RBM26: variants seen among roughly 807,000 people sequenced by gnomAD.
The protein encoded by RBM26 is RNA binding motif protein 26, also known as RNA-binding protein 26.
RBM26 carries 30 observed loss-of-function variants against 123.6 expected under a neutral mutation model. That is an observed-to-expected ratio of 0.24 (90% CI 0.18 to 0.33). RBM26 has a LOEUF of 0.33. RBM26 is among the 10% of genes least tolerant of loss of function. The pLI is 1.00. For missense variants in RBM26, 947 were observed against 1,203.6 expected (o/e 0.79, Z 3.15); for synonymous variants, 400 against 404.4 (o/e 0.99, Z 0.13).
chr13:79,405,908 C>A lies in RBM26; in HGVS notation c.-134G>T. Reference sequence around the variant, plus strand: ...GTGGGAGGCGCCGGTGGCAGGTTCCCGCGGGCCCCGGTCGGCGAACAGCTC... The same window carrying A: ...GTGGGAGGCGCCGGTGGCAGGTTCCAGCGGGCCCCGGTCGGCGAACAGCTC... On this transcript the variant is annotated 5_prime_UTR_variant, in exon 1 of 22. Transcript: ENST00000438737. The A allele has an allele frequency of 2.5e-6, 1 of 394,782 alleles. No homozygotes were observed. 24.5% of individuals were successfully genotyped at this position (394,782 alleles called of 1,614,324 possible).
intron 3 of RBM26, among the ~76,000 whole-genome samples, chr13:79,372,519 A>G (rs2076003733): frequency 6.6e-6 from 1 of 151,280 alleles, no homozygotes; most frequent in Non-Finnish European, 1.5e-5. Flanking sequence ...TTAAGCAAGT[A>G]TGCTCATTTA....
chr13:79,396,840 A>G (rs1005071617), intron 1 of RBM26, among the ~76,000 whole-genome samples: 1 of 152,362 alleles, frequency 6.6e-6, no homozygotes, highest in Admixed American at 6.5e-5. Flanking sequence ...GTAATACACC[A>G]TATTAACAAA....
chr13:79,333,540 C>T (rs1209800642), intron 20 of RBM26, among the ~76,000 whole-genome samples: 1 of 152,124 alleles, frequency 6.6e-6, no homozygotes, highest in Non-Finnish European at 1.5e-5. Flanking sequence ...TTCTGAAAAG[C>T]ATCTCACTCT....
intron 9 of RBM26, among the ~76,000 whole-genome samples, chr13:79,361,981 A>G (rs1237697947): frequency 6.6e-6 from 1 of 152,136 alleles, no homozygotes; most frequent in Non-Finnish European, 1.5e-5. Flanking sequence ...GGCTCCTTCT[A>G]TCTCCCTTTA....
intron 1 of RBM26, among the ~76,000 whole-genome samples, chr13:79,387,813 G>A (rs559411796): frequency 1.1e-4 from 16 of 152,040 alleles, no homozygotes; most frequent in Non-Finnish European, 2.2e-4. Flanking sequence ...GCCCTTAGAA[G>A]GCATAAATAA....
chr13:79,347,972 G>A (rs2139310382), intron 14 of RBM26, among the ~76,000 whole-genome samples: 1 of 152,092 alleles, frequency 6.6e-6, no homozygotes, highest in South Asian at 2.1e-4. Flanking sequence ...CTCCTTTGCA[G>A]AGTGTTTAAT....
chr13:79,326,676 T>A (rs1215944383), intron 20 of RBM26, among the ~76,000 whole-genome samples: 1 of 152,104 alleles, frequency 6.6e-6, no homozygotes, highest in African/African-American at 2.4e-5. Flanking sequence ...ACAAATGAAT[T>A]CTATTAAAAT....
chr13:79,353,718 G>A (rs2073597655), intron 13 of RBM26, among the ~76,000 whole-genome samples: 1 of 152,208 alleles, frequency 6.6e-6, no homozygotes, highest in African/African-American at 2.4e-5. Context: ...TACTCTTCAG[G>A]AATTATCTAG....
chr13:79,366,015 CTG>C (rs3831152), intron 8 of RBM26, 38 bp downstream of exon 8: 778,010 of 1,576,874 alleles, frequency 0.49, 195,533 homozygotes, highest in African/African-American at 0.56. Flanking sequence ...TCATCTAAAA[CTG>C]TGTTACATTA....
At chr13:79,385,315 A>G (rs2077389784) in intron 1 of RBM26, among the ~76,000 whole-genome samples, 1 of 152,212 alleles carries the variant, frequency 6.6e-6, no homozygotes, top group African/African-American at 2.4e-5. Flanking sequence ...GTTACAGCAA[A>G]GACTACTCAT....
chr13:79,377,611 T>C, intron 2 of RBM26, 96 bp from the exon 3 acceptor site: 1 of 978,376 alleles, frequency 1.0e-6, no homozygotes, highest in South Asian at 1.6e-5. Context: ...GAAACATACC[T>C]TGACTTTTAT....
At chr13:79,331,464 C>CAAAAAAAAAAAA (rs11452714) in intron 20 of RBM26, among the ~76,000 whole-genome samples, 1 of 128,726 alleles carries the variant, frequency 7.8e-6, no homozygotes. Context: ...ACTAAAAATA[C>CAAAAAAAAAAAA]AAAAAAAAAA....
At chr13:79,403,178 G>C (rs1384136036) in intron 1 of RBM26, among the ~76,000 whole-genome samples, 1 of 151,854 alleles carries the variant, frequency 6.6e-6, no homozygotes, top group Non-Finnish European at 1.5e-5. Context: ...ATTGGGATCA[G>C]CTTTTATAAG....
At chr13:79,380,507 A>C (rs548414218) in intron 1 of RBM26, among the ~76,000 whole-genome samples, 11 of 151,916 alleles carry the variant, frequency 7.2e-5, no homozygotes, top group African/African-American at 2.7e-4. Context: ...AAAAAAAAAA[A>C]ACCACATAAT....
chr13:79,373,994 G>A (rs1004766538), intron 3 of RBM26, among the ~76,000 whole-genome samples: 12 of 151,838 alleles, frequency 7.9e-5, no homozygotes, highest in African/African-American at 2.9e-4. Flanking sequence ...GGACTTAGAG[G>A]TTGAACAAAT....
intron 18 of RBM26, among the ~76,000 whole-genome samples, chr13:79,339,363 A>G (rs2070991324): frequency 6.6e-6 from 1 of 152,148 alleles, no homozygotes; most frequent in Non-Finnish European, 1.5e-5. Flanking sequence ...TGGTGACCAC[A>G]GTTAATAATA....
At chr13:79,373,315 AAT>A (rs1250187491) in intron 3 of RBM26, among the ~76,000 whole-genome samples, 6 of 107,626 alleles carry the variant, frequency 5.6e-5, no homozygotes, top group African/African-American at 1.5e-4. Flanking sequence ...AATATAAATA[AAT>A]ATATATAAAT....
chr13:79,364,559 G>A (rs2075056741), intron 9 of RBM26, among the ~76,000 whole-genome samples: 1 of 152,174 alleles, frequency 6.6e-6, no homozygotes, highest in South Asian at 2.1e-4. Flanking sequence ...TTTCCATTAT[G>A]TCTGACAATC....
At chr13:79,398,952 G>A (rs1206996576) in intron 1 of RBM26, among the ~76,000 whole-genome samples, 1 of 152,190 alleles carries the variant, frequency 6.6e-6, no homozygotes, top group African/African-American at 2.4e-5. Context: ...CATTGTGCTA[G>A]ATAATGTATA....
Sources: allele counts gnomAD v4.1 joint callset (sites outside exome capture counted in the v4.1 genomes callset), GRCh38; gene constraint gnomAD v4.1.1; transcripts MANE v1.5; gene names NCBI Gene and HGNC (gene_info 2026-07-23, HGNC 2026-07-21).